The following GLI3 variants were observed in gnomAD, a reference collection of about 807,000 sequenced individuals.
GLI3 encodes transcription activator GLI3.
A neutral mutation model predicts 100.8 loss-of-function variants in GLI3; 20 were observed. That is an observed-to-expected ratio of 0.20 (90% CI 0.14 to 0.29). The LOEUF is 0.29. GLI3 is among the 10% of genes least tolerant of loss of function. GLI3 has a pLI of 1.00. For missense variants in GLI3, 2,040 were observed against 2,128.5 expected, an observed-to-expected ratio of 0.96 and a Z score of 0.82; for synonymous variants, 938 against 860.5, an observed-to-expected ratio of 1.09 and a Z score of -1.58.
At chr7:42,160,318 T>C (rs1165838546) in intron 2 of GLI3, among the ~76,000 whole-genome samples, 1 of 152,252 alleles carries the variant, frequency 6.6e-6, no homozygotes, top group Admixed American at 6.5e-5. Context: ...TTCAAAATGC[T>C]TGAGACCAGA....
intron 3 of GLI3, among the ~76,000 whole-genome samples, chr7:42,120,917 A>G (rs570375798): frequency 2.0e-5 from 3 of 152,340 alleles, no homozygotes; most frequent in African/African-American, 7.2e-5. Flanking sequence ...AGTGCTAAAT[A>G]GGCACATGTT....
At chr7:42,132,730 C>G (rs1196287343) in intron 3 of GLI3, among the ~76,000 whole-genome samples, 1 of 152,146 alleles carries the variant, frequency 6.6e-6, no homozygotes, top group African/African-American at 2.4e-5. Flanking sequence ...TCACAATTGT[C>G]ATTCAATTCT....
intron 7 of GLI3, among the ~76,000 whole-genome samples, chr7:42,030,140 C>A (rs185077647): frequency 3.3e-5 from 5 of 152,282 alleles, no homozygotes; most frequent in Non-Finnish European, 1.5e-5. Context: ...TGTTCCATTA[C>A]CTGGAGGCTG....
chr7:41,987,145 T>C (rs1258542653), intron 10 of GLI3, among the ~76,000 whole-genome samples: 2 of 112,032 alleles, frequency 1.8e-5, no homozygotes, highest in African/African-American at 6.6e-5. Context: ...CACAGATGGG[T>C]TGAGTCAAAG....
In GLI3 at chr7:42,149,241, G is replaced by C. The variant is rs185960195; in HGVS notation, c.125-773C>G. Among the ~76,000 whole-genome samples the C allele has an allele frequency of 5.9e-5, 9 of 152,300 alleles. 1 individual carries two copies. The highest frequency in any genetic ancestry group is 5.9e-4 in the Admixed American group (9 of 15,306). ...TCTGAGGGTGAGGAAGGAAGGTGTGGGGGATGTTGATATGTGTCCATGCTC... is the reference window on the plus strand; with the variant it reads ...TCTGAGGGTGAGGAAGGAAGGTGTGCGGGATGTTGATATGTGTCCATGCTC... On this transcript the variant is annotated intron_variant, in intron 2 of 14. Transcript: ENST00000395925.
intron 2 of GLI3, among the ~76,000 whole-genome samples, chr7:42,165,811 A>G (rs775307771): frequency 6.6e-6 from 1 of 152,260 alleles, no homozygotes; most frequent in Non-Finnish European, 1.5e-5. Flanking sequence ...TCAAAAATGT[A>G]GAATCTAGTC....
At chr7:42,031,133 C>T (rs552527661) in intron 7 of GLI3, among the ~76,000 whole-genome samples, 1 of 152,052 alleles carries the variant, frequency 6.6e-6, no homozygotes, top group Non-Finnish European at 1.5e-5. Context: ...TCTGTTCACC[C>T]CACTCTTTCC....
intron 4 of GLI3, among the ~76,000 whole-genome samples, chr7:42,069,464 GT>G (rs1784743941): frequency 6.6e-6 from 1 of 152,180 alleles, no homozygotes; most frequent in South Asian, 2.1e-4. Flanking sequence ...GCCTAAGATA[GT>G]TCTTGAAAAT....
intron 2 of GLI3, among the ~76,000 whole-genome samples, chr7:42,186,146 A>G (rs552151765): frequency 6.6e-6 from 1 of 152,336 alleles, no homozygotes; most frequent in Admixed American, 6.5e-5. Flanking sequence ...AACGAAAAAC[A>G]GTAAAATCTC....
chr7:42,014,919 T>C (rs920571735), intron 10 of GLI3, among the ~76,000 whole-genome samples: 3 of 152,250 alleles, frequency 2.0e-5, no homozygotes, highest in African/African-American at 7.2e-5. Context: ...AATGGTATAC[T>C]TATGACTATT....
intron 3 of GLI3, among the ~76,000 whole-genome samples, chr7:42,102,402 C>T (rs150843887): frequency 4.7e-4 from 71 of 152,312 alleles, no homozygotes; most frequent in African/African-American, 1.7e-3. Flanking sequence ...CAGGGAGACT[C>T]TCACGCCTGC....
intron 4 of GLI3, among the ~76,000 whole-genome samples, chr7:42,070,284 G>C (rs376646986): frequency 6.6e-6 from 1 of 152,192 alleles, no homozygotes; most frequent in African/African-American, 2.4e-5. Context: ...AGGCCTGAAC[G>C]TGGCTTTTTA....
rs116840766 is a variant in GLI3 at position 41,965,749 on chromosome 7, G to A, written c.3324C>T (p.Tyr1108=). ...GGAGGGCGCTGGGGAAGTGCTGCTC[G>A]TACCCTGCTTGGTTCTGGGAATTTA... ...QYLNSQNQAG[Y]EQHFPSALPD... Residue 1108 remains tyrosine, a synonymous_variant, in exon 15 of 15, where the codon TAC becomes TAT. Transcript: ENST00000395925. 1 of 1,613,476 alleles carries A rather than the reference G, an allele frequency of 6.2e-7. No homozygotes were observed. The highest frequency in any genetic ancestry group is 1.3e-5 in the African/African-American group (1 of 74,990).
At chr7:42,241,573 A>T (rs767966256), upstream of GLI3, among the ~76,000 whole-genome samples, 13 of 152,204 alleles carry the variant, frequency 8.5e-5, no homozygotes, top group Non-Finnish European at 1.9e-4. Flanking sequence ...GCCAGGAAGG[A>T]GAATACTTTT....
chr7:42,172,632 C>T (rs1020857314), intron 2 of GLI3: 25 of 702,882 alleles, frequency 3.6e-5, no homozygotes, highest in Middle Eastern at 2.3e-4. Flanking sequence ...ATGGACAGCG[C>T]GGATGCATCC....
At chr7:42,092,914 A>T (rs1011846263) in intron 3 of GLI3, among the ~76,000 whole-genome samples, 4 of 151,822 alleles carry the variant, frequency 2.6e-5, no homozygotes, top group African/African-American at 9.7e-5. Context: ...CTGGAGTTCA[A>T]GCAATTCTCC....
At chr7:42,219,862 T>G (rs940683295) in intron 2 of GLI3, among the ~76,000 whole-genome samples, 3 of 151,604 alleles carry the variant, frequency 2.0e-5, no homozygotes, top group African/African-American at 7.3e-5. Context: ...TCTTTTTTTT[T>G]TTTTTTTTTG....
At position 42,146,840 on chromosome 7, in the gene GLI3, C is replaced by A. The variant is rs534546806; in HGVS notation, c.367+1386G>T. ...AAAAGCCTACCAAGGCTATTTTAAA[C>A]CTTCATTACTAAAAGGAAAGATGAA... is the stretch of plus-strand genomic sequence containing the variant. On this transcript the variant is annotated intron_variant, in intron 3 of 14. Transcript: ENST00000395925. 7.9e-5 allele frequency among the ~76,000 whole-genome samples: 12 copies of A among 152,212 alleles called. No homozygotes were observed. The South Asian group carries it at 2.3e-3, about 29-fold the overall frequency.
intron 3 of GLI3, 41 bp downstream of exon 3, chr7:42,148,185 C>G: frequency 6.4e-7 from 1 of 1,566,014 alleles, no homozygotes; most frequent in African/African-American, 1.4e-5. Flanking sequence ...ACAGCCCTCC[C>G]CATAGCTCCT....
Sources: gnomAD v4.1 joint callset for allele counts (sites outside exome capture counted in the v4.1 genomes callset) on GRCh38, gnomAD v4.1.1 for gene constraint, MANE v1.5 for transcripts, NCBI Gene and HGNC (gene_info 2026-07-23, HGNC 2026-07-21) for gene names.